PRKAG2: variants seen among roughly 807,000 people sequenced by gnomAD.
The protein encoded by PRKAG2 is protein kinase AMP-activated non-catalytic subunit gamma 2.
A neutral mutation model predicts 69.6 loss-of-function variants in PRKAG2; 26 were observed. The observed-to-expected ratio is 0.37, with a 90% CI of 0.27 to 0.52. The LOEUF (loss-of-function observed/expected upper bound fraction) is 0.52, where lower values mean the gene tolerates loss of function less well. PRKAG2 is among the 20% of genes least tolerant of loss of function. PRKAG2 has a pLI of 0.90. For missense variants in PRKAG2, 557 were observed against 740.0 expected (o/e 0.75, Z 2.87); for synonymous variants, 293 against 285.0 (o/e 1.03, Z -0.28).
chr7:151,860,480 C>A (rs1563761849), intron 1 of PRKAG2, among the ~76,000 whole-genome samples: 1 of 152,146 alleles, frequency 6.6e-6, no homozygotes, highest in African/African-American at 2.4e-5. Context: ...GTGCCCAAGG[C>A]CTCGCCTGTG....
At chr7:151,811,766 G>A (rs1193314491) in intron 1 of PRKAG2, among the ~76,000 whole-genome samples, 1 of 152,206 alleles carries the variant, frequency 6.6e-6, no homozygotes, top group Non-Finnish European at 1.5e-5. Context: ...TTACCTGTAG[G>A]TCCAACCTAG....
rs1476518363 is a variant in PRKAG2 at position 151,835,367 on chromosome 7, T to A, written c.114+41140A>T. Among the ~76,000 whole-genome samples, 1 of 152,066 alleles carries A rather than the reference T, an allele frequency of 6.6e-6. No individual in the cohort carries two copies. The highest frequency in any genetic ancestry group is 2.4e-5 in the African/African-American group (1 of 41,406). On this transcript the variant is annotated intron_variant, in intron 1 of 15. Transcript: ENST00000287878. This position sits in a 1 kb window ranked among gnomAD's most constrained non-coding sequence, Gnocchi z 4.1. ...TATTTTTTATTATTTTTATTATTTTTAATTTTTTGTAGAGACGGGTCTCCC... is the reference window on the plus strand; with the variant it reads ...TATTTTTTATTATTTTTATTATTTTAAATTTTTTGTAGAGACGGGTCTCCC...
chr7:151,559,568 T>C, intron 15 of PRKAG2: 1 of 985,072 alleles, frequency 1.0e-6, no homozygotes, highest in South Asian at 4.7e-5. Context: ...CTGGAATTTC[T>C]CTTGGTGTTC....
chr7:151,620,966 C>T (rs1374285434), intron 5 of PRKAG2, among the ~76,000 whole-genome samples: 1 of 152,218 alleles, frequency 6.6e-6, no homozygotes, highest in Non-Finnish European at 1.5e-5. Context: ...GAGCCGCCCA[C>T]CTTGGCCTCC....
At chr7:151,574,049 G>A (rs1252897722) in intron 8 of PRKAG2, among the ~76,000 whole-genome samples, 1 of 152,188 alleles carries the variant, frequency 6.6e-6, no homozygotes, top group Non-Finnish European at 1.5e-5. Context: ...AAAGTGCTGG[G>A]ATTACAGGCG....
chr7:151,665,173 G>C (rs963911616), intron 4 of PRKAG2, among the ~76,000 whole-genome samples: 4 of 152,130 alleles, frequency 2.6e-5, no homozygotes, highest in Non-Finnish European at 5.9e-5. Flanking sequence ...CTCTCAAAGA[G>C]AGGAATGATC....
At chr7:151,827,515 AG>A (rs2078928372) in intron 1 of PRKAG2, among the ~76,000 whole-genome samples, 1 of 152,138 alleles carries the variant, frequency 6.6e-6, no homozygotes, top group Admixed American at 6.5e-5. Context: ...CTGGGATTAC[AG>A]GTGTGAGCCA....
intron 6 of PRKAG2, among the ~76,000 whole-genome samples, chr7:151,584,330 G>A (rs1423162192): frequency 6.6e-6 from 1 of 152,144 alleles, no homozygotes; most frequent in East Asian, 1.9e-4. Flanking sequence ...CACCAAGCAA[G>A]AAGCCCACCT....
intron 3 of PRKAG2, among the ~76,000 whole-genome samples, chr7:151,767,683 C>T (rs139066152): frequency 6.6e-6 from 1 of 152,240 alleles, no homozygotes; most frequent in Non-Finnish European, 1.5e-5. Context: ...CATCCACACT[C>T]GCTTAGATAT....
chr7:151,764,744 G>C (rs2151764728), intron 3 of PRKAG2, among the ~76,000 whole-genome samples: 1 of 152,344 alleles, frequency 6.6e-6, no homozygotes, highest in Non-Finnish European at 1.5e-5. Flanking sequence ...GGTGGGGGCA[G>C]TGTCAGGATG....
At chr7:151,697,152 CATG>C (rs1458765443) in intron 3 of PRKAG2, among the ~76,000 whole-genome samples, 2 of 152,262 alleles carry the variant, frequency 1.3e-5, no homozygotes, top group African/African-American at 4.8e-5. Context: ...CCTTAGGACA[CATG>C]ATAACTGGCA....
chr7:151,597,152 G>T (rs1201779613), intron 5 of PRKAG2, among the ~76,000 whole-genome samples: 1 of 152,286 alleles, frequency 6.6e-6, no homozygotes, highest in East Asian at 1.9e-4. Flanking sequence ...TTTGACAAAG[G>T]TTCCAAGAAT....
At chr7:151,792,714 T>C (rs1318108920) in intron 1 of PRKAG2, among the ~76,000 whole-genome samples, 3 of 152,032 alleles carry the variant, frequency 2.0e-5, no homozygotes, top group Non-Finnish European at 2.9e-5. Context: ...AAACTCGAGG[T>C]TTACAATATC....
chr7:151,641,759 C>T (rs1229662750), intron 4 of PRKAG2, among the ~76,000 whole-genome samples: 1 of 152,010 alleles, frequency 6.6e-6, no homozygotes, highest in Non-Finnish European at 1.5e-5. Context: ...GATCCTCTTG[C>T]CTCAGCCTCC....
chr7:151,750,442 T>C (rs1352325931), intron 3 of PRKAG2, among the ~76,000 whole-genome samples: 1 of 152,238 alleles, frequency 6.6e-6, no homozygotes, highest in Non-Finnish European at 1.5e-5. Context: ...AATTCCAATA[T>C]ATGCCACAAA....
At chr7:151,641,062 T>C (rs548249661) in intron 4 of PRKAG2, among the ~76,000 whole-genome samples, 1 of 152,218 alleles carries the variant, frequency 6.6e-6, no homozygotes, top group African/African-American at 2.4e-5. Context: ...GAATTAACAT[T>C]TTGAAGGAAA....
intron 13 of PRKAG2, among the ~76,000 whole-genome samples, chr7:151,565,053 C>T (rs1462248693): frequency 3.3e-5 from 5 of 151,918 alleles, no homozygotes; most frequent in Non-Finnish European, 7.4e-5. Context: ...AGGCCTCCTA[C>T]GTGGAAACAA....
chr7:151,566,750 C>G (rs1223504211), intron 11 of PRKAG2: 2 of 312,042 alleles, frequency 6.4e-6, no homozygotes, highest in South Asian at 5.8e-5. Context: ...TCATCTAGTC[C>G]ATCTCAACAT....
At chr7:151,700,839 CAAATAA>C (rs1368419490) in intron 3 of PRKAG2, among the ~76,000 whole-genome samples, 1 of 152,240 alleles carries the variant, frequency 6.6e-6, no homozygotes, top group Non-Finnish European at 1.5e-5. Flanking sequence ...TGCCGAACCC[CAAATAA>C]TCCTCAGTGC....
Sources: allele counts gnomAD v4.1 joint callset (sites outside exome capture counted in the v4.1 genomes callset), GRCh38; gene constraint gnomAD v4.1.1; non-coding constraint Gnocchi (gnomAD v3.1); transcripts MANE v1.5; gene names NCBI Gene and HGNC (gene_info 2026-07-23, HGNC 2026-07-21).